Variants in HCK observed in about 807,000 individuals in gnomAD.
The protein encoded by HCK is tyrosine-protein kinase HCK.
Under a neutral mutation model 70.4 loss-of-function variants are expected in HCK, and 40 were observed. The ratio of observed to expected loss-of-function variants is 0.57; its 90% CI spans 0.44 to 0.74. The LOEUF is 0.74. HCK is among the 30% of genes least tolerant of loss of function. The pLI, the probability that HCK is intolerant of heterozygous loss-of-function variation, is 0.00. For synonymous variants in HCK, 245 were observed against 263.2 expected (o/e 0.93, Z 0.67); for missense variants, 568 against 697.2 (o/e 0.81, Z 2.09).
At chr20:32,086,851 G>C (rs371260834) in intron 9 of HCK, 44 bp downstream of exon 9, 3 of 1,484,314 alleles carry the variant, frequency 2.0e-6, no homozygotes, top group Non-Finnish European at 1.8e-6. Flanking sequence ...GGCCTATACT[G>C]GTCAATTGCG....
At chr20:32,094,787 GAGAAAGAAAGAAAGAAA>G (rs2045923782) in intron 11 of HCK, among the ~76,000 whole-genome samples, 1 of 105,306 alleles carries the variant, frequency 9.5e-6, no homozygotes, top group Non-Finnish European at 1.9e-5. Flanking sequence ...GAGAGAGAAA[GAGAAAGAAAGAAAGAAA>G]GAAAGAAAGA....
At chr20:32,058,106 T>C (rs959111396) in intron 1 of HCK, among the ~76,000 whole-genome samples, 1 of 151,976 alleles carries the variant, frequency 6.6e-6, no homozygotes, top group African/African-American at 2.4e-5. Flanking sequence ...ATCTCTACCA[T>C]AGAAATGAAG....
intron 4 of HCK, 88 bp from the exon 5 acceptor site, chr20:32,074,535 G>A: frequency 1.1e-6 from 1 of 927,808 alleles, no homozygotes; most frequent in African/African-American, 1.6e-5. Flanking sequence ...TGGAGGCAGG[G>A]AGTTTTCTAG....
chr20:32,067,915 T>C (rs2045483474), intron 1 of HCK, among the ~76,000 whole-genome samples: 1 of 152,216 alleles, frequency 6.6e-6, no homozygotes. Context: ...TTAATAATTT[T>C]GATATATTGG....
chr20:32,083,098 C>A (rs2045729986), intron 6 of HCK, among the ~76,000 whole-genome samples: 1 of 152,092 alleles, frequency 6.6e-6, no homozygotes, highest in Non-Finnish European at 1.5e-5. Context: ...GAGGCTACAG[C>A]ATTCCTTGGC....
In HCK at chr20:32,101,498, C is replaced by G. The variant is rs1266399689; in HGVS notation, c.1560C>G (p.Ser520Arg). 12 of 1,613,096 alleles carry G rather than the reference C, an allele frequency of 7.4e-6. No homozygotes were observed. The highest frequency in any genetic ancestry group is 8.5e-6 in the Non-Finnish European group (10 of 1,179,650). Reference sequence around the variant, plus strand: ...ATGACTTCTACACGGCCACAGAGAGCCAGTACCAACAGCAGCCATGATAGG... The same window carrying G: ...ATGACTTCTACACGGCCACAGAGAGGCAGTACCAACAGCAGCCATGATAGG... Residue 520 changes from serine to arginine, a missense_variant, in exon 13 of 13, where the codon AGC (serine) becomes AGG (arginine). This residue lies in a region of HCK where 77 missense variants were observed against 85.0 expected (regional missense o/e 0.91). Transcript: ENST00000375852.
intron 2 of HCK, chr20:32,072,196 G>A (rs950556730): frequency 4.6e-5 from 8 of 172,798 alleles, no homozygotes; most frequent in African/African-American, 7.1e-5. Context: ...CCATAATTGC[G>A]TGAGTATAAG....
chr20:32,071,792 G>C lies in HCK; in HGVS notation c.183+10G>C. 1.2e-6 allele frequency: 2 copies of C among 1,612,262 alleles called. No individual in the cohort carries two copies. The highest frequency in any genetic ancestry group is 1.7e-6 in the Non-Finnish European group (2 of 1,179,070). On this transcript the variant is annotated intron_variant, in intron 2 of 12. Coordinates refer to ENST00000375852, the MANE Select transcript of HCK (RefSeq NM_002110.5). ...ATCCACCATCAAGCCGGTGAGTAGG[G>C]GAGGTCCCAGTTTCCCTGGGGGCTG...
At chr20:32,067,053 A>G (rs574824267) in intron 1 of HCK, among the ~76,000 whole-genome samples, 80 of 152,184 alleles carry the variant, frequency 5.3e-4, no homozygotes, top group Non-Finnish European at 8.7e-4. Flanking sequence ...TGCTTTTTAT[A>G]CGAACTTACT....
intron 12 of HCK, among the ~76,000 whole-genome samples, chr20:32,100,061 G>A (rs1278461097): frequency 1.3e-5 from 2 of 151,910 alleles, no homozygotes; most frequent in South Asian, 2.1e-4. Flanking sequence ...CACCATGTCT[G>A]GCTATTTTTT....
At chr20:32,062,399 G>A (rs897692651) in intron 1 of HCK, among the ~76,000 whole-genome samples, 2 of 152,138 alleles carry the variant, frequency 1.3e-5, no homozygotes, top group Non-Finnish European at 2.9e-5. Context: ...AGTTGCTCTG[G>A]AATTCTGAAA....
chr20:32,080,435 G>A (rs1286091096), intron 6 of HCK, among the ~76,000 whole-genome samples: 10 of 152,012 alleles, frequency 6.6e-5, no homozygotes, highest in Admixed American at 3.9e-4. Context: ...CTGACCTTGC[G>A]ATCCACCCCT....
chr20:32,055,362 G>A (rs773176904), intron 1 of HCK, among the ~76,000 whole-genome samples: 7 of 152,160 alleles, frequency 4.6e-5, no homozygotes, highest in Non-Finnish European at 7.3e-5. Flanking sequence ...CTTAATAAGT[G>A]TTCAAGAAAA....
intron 4 of HCK, among the ~76,000 whole-genome samples, chr20:32,074,075 T>A (rs1231410054): frequency 6.6e-6 from 1 of 152,160 alleles, no homozygotes; most frequent in Non-Finnish European, 1.5e-5. Flanking sequence ...CTAGGGCTCC[T>A]GCGATTAAGC....
intron 6 of HCK, among the ~76,000 whole-genome samples, chr20:32,081,406 T>C (rs2045708015): frequency 1.3e-5 from 2 of 152,168 alleles, no homozygotes; most frequent in African/African-American, 4.8e-5. Flanking sequence ...GGAATGAACA[T>C]CAGTAGGATT....
intron 6 of HCK, among the ~76,000 whole-genome samples, chr20:32,081,285 T>C (rs1271736290): frequency 1.3e-5 from 2 of 152,164 alleles, no homozygotes; most frequent in African/African-American, 4.8e-5. Flanking sequence ...TTCCTGGAAT[T>C]TCTGTGCTGC....
chr20:32,066,331 T>TTTTTTTTG lies in HCK; in HGVS notation c.63-5331_63-5330insTTTTTTTG, dbSNP rs60044994. Among the ~76,000 whole-genome samples, 2 of 81,876 alleles carry TTTTTTTTG rather than the reference T, an allele frequency of 2.4e-5. 1 individual carries two copies. The highest frequency in any genetic ancestry group is 1.1e-3 in the East Asian group (2 of 1,816). 53.7% of individuals were successfully genotyped at this position (81,876 alleles called of 152,430 possible). On this transcript the variant is annotated intron_variant, in intron 1 of 12. Transcript: ENST00000375852. ...TTTTTTTTTTTTTTTTTTTTTTTTT[T>TTTTTTTTG]GACAGAGTCTTGCTCTGTTTCCCAG...
At chr20:32,083,052 G>A (rs1022950143) in intron 6 of HCK, among the ~76,000 whole-genome samples, 10 of 152,110 alleles carry the variant, frequency 6.6e-5, no homozygotes, top group Non-Finnish European at 1.2e-4. Context: ...GGAGGCTTCA[G>A]GGGAGAATTC....
At chr20:32,094,985 A>G (rs1022706419) in intron 11 of HCK, among the ~76,000 whole-genome samples, 3 of 152,214 alleles carry the variant, frequency 2.0e-5, no homozygotes, top group African/African-American at 7.2e-5. Context: ...GTGAAATTCT[A>G]AAAGAGACAA....
Sources: allele counts gnomAD v4.1 joint callset (sites outside exome capture counted in the v4.1 genomes callset), GRCh38; gene constraint gnomAD v4.1.1; regional missense constraint gnomAD v4.1.1; transcripts MANE v1.5; gene names NCBI Gene and HGNC (gene_info 2026-07-23, HGNC 2026-07-21).